The following AGO2 variants were observed in gnomAD, a reference collection of about 807,000 sequenced individuals.
AGO2 encodes protein argonaute-2.
In AGO2, 5 loss-of-function variants were observed where a neutral mutation model predicts 102.3. The observed-to-expected ratio is 0.05, with a 90% CI of 0.03 to 0.10. The LOEUF (loss-of-function observed/expected upper bound fraction) is 0.10, where lower values mean the gene tolerates loss of function less well. AGO2 is among the 10% of genes least tolerant of loss of function. The pLI, the probability that AGO2 is intolerant of heterozygous loss-of-function variation, is 1.00. For missense variants in AGO2, 541 were observed against 1,183.7 expected (o/e 0.46, Z 7.97); for synonymous variants, 449 against 473.1 (o/e 0.95, Z 0.66).
chr8:140,593,713 T>C (rs2073779986), intron 1 of AGO2, among the ~76,000 whole-genome samples: 1 of 152,026 alleles, frequency 6.6e-6, no homozygotes, highest in Non-Finnish European at 1.5e-5. Context: ...TCAGGTACAA[T>C]GCAGACCCCT....
chr8:140,595,918 ATT>A (rs1431112350), intron 1 of AGO2, among the ~76,000 whole-genome samples: 2 of 117,084 alleles, frequency 1.7e-5, no homozygotes, highest in African/African-American at 6.7e-5. Context: ...TATAATATAT[ATT>A]ATGTATATAA....
chr8:140,622,048 C>G (rs2074223711), intron 1 of AGO2, among the ~76,000 whole-genome samples: 1 of 152,222 alleles, frequency 6.6e-6, no homozygotes, highest in African/African-American at 2.4e-5. Context: ...TATCCATACA[C>G]TCGGATACTT....
chr8:140,600,446 C>T (rs907594584), intron 1 of AGO2, among the ~76,000 whole-genome samples: 6 of 152,002 alleles, frequency 3.9e-5, no homozygotes, highest in African/African-American at 2.4e-5. Context: ...TTTGGGAAGC[C>T]GAGGCGGGCA....
intron 1 of AGO2, among the ~76,000 whole-genome samples, chr8:140,587,832 G>A (rs527640991): frequency 2.0e-5 from 3 of 152,280 alleles, no homozygotes; most frequent in South Asian, 4.1e-4. Flanking sequence ...TTAAAGAAAC[G>A]AAAGCCCACA....
chr8:140,610,028 T>TAAAAAAAAA lies in AGO2; in HGVS notation c.23-24726_23-24718dup, dbSNP rs55637374. 3.2e-5 allele frequency among the ~76,000 whole-genome samples: 4 copies of TAAAAAAAAA among 126,550 alleles called. No homozygotes were observed. In the East Asian group the frequency reaches 1.1e-3, roughly 35 times the overall value. The allele number at this position is 126,550 out of a possible 152,430, so 83.0% of individuals were successfully genotyped here. The stretch of plus-strand genomic sequence containing the variant: ...GGGAAATACAGCAAGACCTTGACTC[T>TAAAAAAAAA]AAAAAAAAAAAAAAAAAAAAAAAAA... On this transcript the variant is annotated intron_variant, in intron 1 of 18. Coordinates refer to ENST00000220592, the MANE Select transcript of AGO2 (RefSeq NM_012154.5).
chr8:140,584,482 T>A (rs77229590), intron 2 of AGO2, among the ~76,000 whole-genome samples: 4 of 152,218 alleles, frequency 2.6e-5, no homozygotes, highest in Admixed American at 6.5e-5. Context: ...ATTCTACTCC[T>A]AGGTATTTAT....
chr8:140,565,456 C>T (rs1162118253), intron 3 of AGO2, among the ~76,000 whole-genome samples: 1 of 142,148 alleles, frequency 7.0e-6, no homozygotes, highest in African/African-American at 2.6e-5. Context: ...AAAAAAAACC[C>T]AAAAACCAAA....
chr8:140,635,171 G>A (rs1173604165), intron 1 of AGO2, among the ~76,000 whole-genome samples: 1 of 146,306 alleles, frequency 6.8e-6, no homozygotes, highest in Non-Finnish European at 1.5e-5. Flanking sequence ...CCCCGGGCGG[G>A]GGATGCGAGG....
chr8:140,532,149 A>G lies in AGO2; in HGVS notation c.2475T>C (p.Ala825=). 1 of 1,613,888 alleles carries G rather than the reference A, an allele frequency of 6.2e-7. No homozygotes were observed. The highest frequency in any genetic ancestry group is 8.5e-7 in the Non-Finnish European group (1 of 1,179,834). The change falls in exon 19 of 19, where the codon GCT becomes GCC. Residue 825 remains alanine, a synonymous_variant. Transcript: ENST00000220592. ...YHLVDKEHDS[A]EGSHTSGQSN... ...TCTGCCCAGAGGTATGGCTTCCTTC[A>G]GCACTGCAGGGATGAGAGAGAGAGA...
At chr8:140,595,784 A>C in intron 1 of AGO2, among the ~76,000 whole-genome samples, 1 of 56,240 alleles carries the variant, frequency 1.8e-5, no homozygotes, top group Non-Finnish European at 4.1e-5. Flanking sequence ...ATACAATTGT[A>C]TATACAATTA....
intron 3 of AGO2, among the ~76,000 whole-genome samples, chr8:140,568,491 C>T (rs1026844531): frequency 6.6e-6 from 1 of 152,164 alleles, no homozygotes; most frequent in African/African-American, 2.4e-5. Flanking sequence ...CCACGAGGAT[C>T]CTGACCTGGA....
chr8:140,608,346 G>A (rs1345219994), intron 1 of AGO2, among the ~76,000 whole-genome samples: 1 of 152,170 alleles, frequency 6.6e-6, no homozygotes, highest in Non-Finnish European at 1.5e-5. Flanking sequence ...CACTTTCCCT[G>A]GTCTCCTTCT....
intron 8 of AGO2, among the ~76,000 whole-genome samples, chr8:140,556,648 C>T (rs73713185): frequency 0.012 from 1,802 of 152,210 alleles, 32 homozygotes; most frequent in African/African-American, 0.041. Context: ...ACCTGTGGGA[C>T]GAGGTGCTGG....
Position 140,544,282 on chromosome 8 carries a change from G to A in AGO2, c.1770C>T (p.Pro590=). 1.2e-6 allele frequency: 2 copies of A among 1,603,120 alleles called. No homozygotes were observed. Among genetic ancestry groups the A allele is most frequent in the African/African-American group, 1.3e-5 (1 of 74,170 alleles). ...PQGRPPVFQQ[P]VIFLGADVTH... ...TGACGTCTGCTCCCAGAAAGATGAC[G>A]GGCTGCTGGAACACCGGCGGCCTGC... is the stretch of plus-strand genomic sequence containing the variant. The change falls in exon 14 of 19, where the codon CCC becomes CCT. Residue 590 remains proline, a synonymous_variant. Transcript: ENST00000220592.
At chr8:140,607,458 TTATATATATATATATATATATATA>T (rs1167371585) in intron 1 of AGO2, among the ~76,000 whole-genome samples, 1,245 of 69,540 alleles carry the variant, frequency 0.018, 35 homozygotes, top group African/African-American at 0.028. Flanking sequence ...TAAAGAAAAA[TTATATATATATATATATATATATA>T]TATATATATA....
intron 1 of AGO2, among the ~76,000 whole-genome samples, chr8:140,618,759 G>A (rs1358952940): frequency 6.8e-6 from 1 of 146,640 alleles, no homozygotes; most frequent in Non-Finnish European, 1.5e-5. Context: ...GGCCAAGGCT[G>A]CAGTGAGCCG....
In AGO2 at chr8:140,525,299, C is replaced by G. The variant is rs1484050473; in HGVS notation, c.*6745G>C. On this transcript the variant is annotated 3_prime_UTR_variant, in exon 19 of 19. Transcript: ENST00000220592. ...CGGTGGATCTGCGTGCTGCAGCTCCCATGACTGAGTCGAGGGGCGAGCGGC... is the reference window on the plus strand; with the variant it reads ...CGGTGGATCTGCGTGCTGCAGCTCCGATGACTGAGTCGAGGGGCGAGCGGC... The G allele has an allele frequency of 6.6e-6, 1 of 152,204 alleles. No individual in the cohort carries two copies. The highest frequency in any genetic ancestry group is 1.5e-5 in the Non-Finnish European group (1 of 68,062). The allele number at this position is 152,204 out of a possible 1,614,324, so 9.4% of individuals were successfully genotyped here.
chr8:140,614,421 C>G lies in AGO2; in HGVS notation c.22+21064G>C, dbSNP rs149084249. ...CATTAAACCAATTCTTTAATGAAAA[C>G]ACTGGGAAATCCAAACCCACTAAAT... is the stretch of plus-strand genomic sequence containing the variant. On this transcript the variant is annotated intron_variant, in intron 1 of 18. Transcript: ENST00000220592. 1.7e-3 allele frequency among the ~76,000 whole-genome samples: 259 copies of G among 152,358 alleles called. 1 individual carries two copies. Among genetic ancestry groups the G allele is most frequent in the African/African-American group, 5.3e-3 (220 of 41,598 alleles).
At chr8:140,556,926 C>A (rs1345275776) in intron 8 of AGO2, among the ~76,000 whole-genome samples, 163 bp downstream of exon 8, 4 of 152,182 alleles carry the variant, frequency 2.6e-5, no homozygotes, top group African/African-American at 9.7e-5. Flanking sequence ...AAGGCAAAAC[C>A]GAGGTGTAAC....
Sources: allele counts gnomAD v4.1 joint callset (sites outside exome capture counted in the v4.1 genomes callset), GRCh38; gene constraint gnomAD v4.1.1; transcripts MANE v1.5; gene names NCBI Gene and HGNC (gene_info 2026-07-23, HGNC 2026-07-21).